CSPP1: variants seen among roughly 807,000 people sequenced by gnomAD.
CSPP1 encodes centrosome and spindle pole-associated protein 1.
A neutral mutation model predicts 164.4 loss-of-function variants in CSPP1; 126 were observed. That is an observed-to-expected ratio of 0.77 (90% confidence interval 0.66 to 0.89). The LOEUF (loss-of-function observed/expected upper bound fraction) is 0.89, where lower values mean the gene tolerates loss of function less well. Ranked by LOEUF, CSPP1 falls within the 40% of genes least tolerant of loss-of-function variation. CSPP1 has a pLI of 0.00. For missense variants in CSPP1, 1,395 were observed against 1,449.8 expected, an observed-to-expected ratio of 0.96 and a Z score of 0.61; for synonymous variants, 472 against 476.7, an observed-to-expected ratio of 0.99 and a Z score of 0.13.
intron 21 of CSPP1, among the ~76,000 whole-genome samples, chr8:67,160,268 C>T: frequency 1.3e-5 from 2 of 150,870 alleles, no homozygotes; most frequent in Non-Finnish European, 1.5e-5. Flanking sequence ...AGATCGAGAC[C>T]AGCCTGGGCA....
chr8:67,105,932 T>C lies in CSPP1; in HGVS notation c.1050T>C (p.Ser350=). ...CTCCAGACAATGAAACATCCAAATC[T>C]GCTAATCAAGATACCTGTAGTCCTT... ...KSAPDNETSK[S]ANQDTCSPFA... The change falls in exon 9 of 31, where the codon TCT becomes TCC. Residue 350 remains serine (S), a synonymous_variant. Coordinates refer to ENST00000678616, the MANE Select transcript of CSPP1 (RefSeq NM_001382391.1). The C allele has an allele frequency of 6.3e-7, 1 of 1,592,508 alleles. No individual in the cohort carries two copies. The highest frequency in any genetic ancestry group is 8.6e-7 in the Non-Finnish European group (1 of 1,160,368).
chr8:67,138,615 A>G (rs191557317), intron 17 of CSPP1, among the ~76,000 whole-genome samples: 1 of 152,158 alleles, frequency 6.6e-6, no homozygotes, highest in Admixed American at 6.5e-5. Flanking sequence ...AAGTAGATCA[A>G]AGATACACAC....
chr8:67,171,065 C>T (rs1830367791), intron 24 of CSPP1, among the ~76,000 whole-genome samples: 1 of 147,290 alleles, frequency 6.8e-6, no homozygotes, highest in African/African-American at 2.5e-5. Flanking sequence ...GGATTACAGG[C>T]ATGAGCTACT....
chr8:67,107,693 T>C (rs1390049497), intron 9 of CSPP1, among the ~76,000 whole-genome samples: 1 of 152,206 alleles, frequency 6.6e-6, no homozygotes, highest in Non-Finnish European at 1.5e-5. Context: ...CTTATTTCAA[T>C]TGAACTGAAA....
chr8:67,185,083 C>T (rs1404295267), intron 28 of CSPP1, among the ~76,000 whole-genome samples: 42 of 148,398 alleles, frequency 2.8e-4, no homozygotes, highest in East Asian at 3.9e-4. Flanking sequence ...CCAGCCTGGG[C>T]GACAGAGCAA....
At chr8:67,194,293 G>A (rs2129576210) in intron 30 of CSPP1, among the ~76,000 whole-genome samples, 1 of 152,266 alleles carries the variant, frequency 6.6e-6, no homozygotes, top group South Asian at 2.1e-4. Flanking sequence ...TCTTTAGTCT[G>A]TTAATCTACA....
intron 21 of CSPP1, among the ~76,000 whole-genome samples, chr8:67,159,509 C>CTTTTTTTTTT (rs1172369424): frequency 2.0e-5 from 1 of 48,916 alleles, no homozygotes; most frequent in Admixed American, 2.5e-4. Context: ...TATATGTATT[C>CTTTTTTTTTT]TTTTTTTTTT....
chr8:67,101,247 A>G (rs1814048589), intron 7 of CSPP1, among the ~76,000 whole-genome samples: 1 of 152,182 alleles, frequency 6.6e-6, no homozygotes, highest in Non-Finnish European at 1.5e-5. Flanking sequence ...CTTCCTGAAG[A>G]AAAGCAAATG....
intron 28 of CSPP1, among the ~76,000 whole-genome samples, chr8:67,182,947 T>G (rs1833423782): frequency 6.6e-6 from 1 of 152,350 alleles, no homozygotes; most frequent in Non-Finnish European, 1.5e-5. Flanking sequence ...CTGTGTTGAT[T>G]GTGTCCTTTG....
chr8:67,102,567 C>A (rs146107165), intron 7 of CSPP1, among the ~76,000 whole-genome samples: 1 of 151,800 alleles, frequency 6.6e-6, no homozygotes, highest in African/African-American at 2.4e-5. Flanking sequence ...TCCAGCCTGG[C>A]GACACAGCAA....
At chr8:67,114,113 G>A (rs368748134) in intron 11 of CSPP1, 10 of 295,724 alleles carry the variant, frequency 3.4e-5, no homozygotes, top group East Asian at 1.7e-4. Flanking sequence ...TTATTCACAT[G>A]TACTATTCCA....
intron 10 of CSPP1, among the ~76,000 whole-genome samples, chr8:67,112,488 G>A (rs552255803): frequency 6.6e-6 from 1 of 152,020 alleles, no homozygotes; most frequent in Non-Finnish European, 1.5e-5. Flanking sequence ...CATCCCAAAT[G>A]AGCATCTCAA....
intron 3 of CSPP1, among the ~76,000 whole-genome samples, chr8:67,079,917 A>T (rs1808789239): frequency 6.6e-6 from 1 of 152,236 alleles, no homozygotes; most frequent in Admixed American, 6.5e-5. Context: ...CCATTGCAAA[A>T]ATAAAACCAA....
At chr8:67,179,782 C>T (rs1832577778) in intron 27 of CSPP1, 81 bp from the exon 28 acceptor site, 2 of 908,070 alleles carry the variant, frequency 2.2e-6, no homozygotes, top group Non-Finnish European at 3.6e-6. Flanking sequence ...AGTGTGGAAA[C>T]TTGTGCCTCT....
At chr8:67,087,826 G>T (rs1197203090) in intron 4 of CSPP1, among the ~76,000 whole-genome samples, 1 of 152,192 alleles carries the variant, frequency 6.6e-6, no homozygotes, top group Non-Finnish European at 1.5e-5. Context: ...GAAGAGCATG[G>T]TAACTGTGTT....
At chr8:67,127,428 AT>A (rs1820306833) in intron 15 of CSPP1, among the ~76,000 whole-genome samples, 1 of 151,776 alleles carries the variant, frequency 6.6e-6, no homozygotes, top group Non-Finnish European at 1.5e-5. Flanking sequence ...ACGCCTCCCC[AT>A]TTTTTCTTAA....
intron 30 of CSPP1, among the ~76,000 whole-genome samples, chr8:67,194,096 T>G (rs1012436705): frequency 7.2e-5 from 11 of 152,342 alleles, no homozygotes; most frequent in African/African-American, 2.6e-4. Flanking sequence ...TTTTGTGACT[T>G]GCAGGTTAAA....
chr8:67,105,877 C>A, intron 8 of CSPP1, 28 bp from the exon 9 acceptor site: 1 of 1,291,216 alleles, frequency 7.7e-7, no homozygotes, highest in Non-Finnish European at 1.1e-6. Context: ...TTTTAATTTA[C>A]TCTTTTTCTC....
At chr8:67,115,125 G>A (rs1469170525) in intron 12 of CSPP1, 1 of 152,226 alleles carries the variant, frequency 6.6e-6, no homozygotes, top group East Asian at 1.9e-4. Flanking sequence ...AAGAGACTAT[G>A]TAGTCTTGCA....
Sources: gnomAD v4.1 joint callset for allele counts (sites outside exome capture counted in the v4.1 genomes callset) on GRCh38, gnomAD v4.1.1 for gene constraint, MANE v1.5 for transcripts, NCBI Gene and HGNC (gene_info 2026-07-23, HGNC 2026-07-21) for gene names.